The following N4BP2L2 variants were observed in gnomAD, a reference collection of about 807,000 sequenced individuals.
N4BP2L2 encodes NEDD4 binding protein 2 like 2.
A neutral mutation model predicts 56.2 loss-of-function variants in N4BP2L2; 50 were observed. The observed-to-expected ratio is 0.89, with a 90% confidence interval of 0.71 to 1.13. The LOEUF is 1.13. Among genes scored for constraint, N4BP2L2 ranks in the 50% most tolerant of loss-of-function variants. The pLI is 0.00. For missense variants in N4BP2L2, 689 were observed against 693.8 expected, an observed-to-expected ratio of 0.99 and a Z score of 0.08; for synonymous variants, 203 against 223.6, an observed-to-expected ratio of 0.91 and a Z score of 0.82.
intron 6 of N4BP2L2, among the ~76,000 whole-genome samples, chr13:32,482,276 C>T (rs6561356): frequency 0.012 from 1,845 of 152,132 alleles, 42 homozygotes; most frequent in African/African-American, 0.042. Flanking sequence ...TAAGATGACA[C>T]GATATATTTA....
rs997543870 is a variant in N4BP2L2, at chr13:32,496,205, A to T, written c.365+21652T>A. 1.6e-4 allele frequency among the ~76,000 whole-genome samples: 23 copies of T among 147,864 alleles called. 1 individual carries two copies. The highest frequency in any genetic ancestry group is 2.7e-4 in the African/African-American group (11 of 40,404). On this transcript the variant is annotated intron_variant, in intron 6 of 9. Coordinates refer to the N4BP2L2 transcript ENST00000357505. ...TATGCAACCAAGCTACCTATTTTTT[A>T]TTTTTTTTTTTTTACCCCTTCTGAC...
At chr13:32,477,897 A>T (rs1294219330) in intron 6 of N4BP2L2, 9 of 1,289,284 alleles carry the variant, frequency 7.0e-6, no homozygotes, top group African/African-American at 1.5e-5. Context: ...CTCTCAAGAG[A>T]TCAAAGGTTG....
chr13:32,505,121 T>A (rs1012857234), intron 6 of N4BP2L2: 2 of 152,266 alleles, frequency 1.3e-5, no homozygotes, highest in Admixed American at 6.5e-5. Flanking sequence ...GTGGTAGCAA[T>A]AGTAGCCCCT....
intron 7 of N4BP2L2, among the ~76,000 whole-genome samples, chr13:32,440,881 G>A (rs1383205653): frequency 7.6e-6 from 1 of 132,448 alleles, no homozygotes; most frequent in Non-Finnish European, 1.6e-5. Flanking sequence ...AGGGAGTCTC[G>A]CTCAGTCACC....
chr13:32,500,864 T>C (rs1033398025), intron 6 of N4BP2L2, among the ~76,000 whole-genome samples: 1 of 137,260 alleles, frequency 7.3e-6, no homozygotes, highest in African/African-American at 2.6e-5. Flanking sequence ...TTTAGTCTTT[T>C]CTTTTTTTTT....
chr13:32,507,592 G>A (rs1182035495), downstream of N4BP2L2: 1 of 152,116 alleles, frequency 6.6e-6, no homozygotes, highest in African/African-American at 2.4e-5. Context: ...TTAAGAAAAT[G>A]CTAGGCATAG....
chr13:32,497,084 A>G (rs756170634), intron 6 of N4BP2L2, among the ~76,000 whole-genome samples: 15 of 152,204 alleles, frequency 9.9e-5, no homozygotes, highest in Admixed American at 3.3e-4. Context: ...GTCAAGAAAA[A>G]GAGGGGTTTC....
chr13:32,443,837 C>T, exon 7 of N4BP2L2: 1 of 1,578,002 alleles, frequency 6.3e-7, no homozygotes, highest in South Asian at 1.2e-5. Flanking sequence ...TGGAAACTGT[C>T]TTTAGGATCT....
chr13:32,536,565 G>A lies in N4BP2L2; in HGVS notation c.463C>T (p.Gln155Ter). The A allele has an allele frequency of 6.2e-7, 1 of 1,613,354 alleles. No homozygotes were observed. The highest frequency in any genetic ancestry group is 8.5e-7 in the Non-Finnish European group (1 of 1,179,834). ...GAGTTAAATTTCTGTTTCTCTTTTT[G>A]TCCTCCTCTGTCATTTATACCATTT... is the stretch of plus-strand genomic sequence containing the variant. The change falls in exon 2 of 6, where the codon CAA becomes TAA. Residue 155 changes from glutamine (Q) to a stop codon, truncating the protein, a stop_gained. Coordinates refer to ENST00000267068, the Ensembl canonical transcript of N4BP2L2. LOFTEE classifies it high-confidence loss of function.
intron 9 of N4BP2L2, among the ~76,000 whole-genome samples, chr13:32,433,600 C>T (rs1469342174): frequency 2.0e-5 from 3 of 150,498 alleles, no homozygotes; most frequent in African/African-American, 4.9e-5. Flanking sequence ...CCAGCCTGGG[C>T]GACAGAGCAA....
chr13:32,493,401 C>CAAA (rs1479419371), intron 6 of N4BP2L2, among the ~76,000 whole-genome samples: 4 of 152,154 alleles, frequency 2.6e-5, no homozygotes, highest in African/African-American at 9.7e-5. Flanking sequence ...ACAACAACAA[C>CAAA]AAAACCTATT....
chr13:32,436,785 CAAAAA>C (rs1174354861), intron 8 of N4BP2L2, among the ~76,000 whole-genome samples: 53 of 44,992 alleles, frequency 1.2e-3, no homozygotes, highest in African/African-American at 3.6e-3. Context: ...GTGTGACTGT[CAAAAA>C]AAAAAAAAAA....
exon 7 of N4BP2L2, chr13:32,443,784 A>G: frequency 6.3e-7 from 1 of 1,580,110 alleles, no homozygotes; most frequent in Non-Finnish European, 8.6e-7. Context: ...TAGAGAGGTA[A>G]TTCTTTGGTG....
chr13:32,450,157 C>T (rs2077688439), intron 6 of N4BP2L2, among the ~76,000 whole-genome samples: 6 of 152,202 alleles, frequency 3.9e-5, no homozygotes, highest in South Asian at 2.1e-4. Flanking sequence ...GCTAGACCTC[C>T]ACAGATTTCA....
chr13:32,458,054 G>GT (rs1314874014), intron 6 of N4BP2L2, among the ~76,000 whole-genome samples: 58 of 151,834 alleles, frequency 3.8e-4, no homozygotes, highest in Admixed American at 6.6e-5. Flanking sequence ...GTTTTGTTTT[G>GT]TTTTTTGTTT....
At chr13:32,473,918 A>C (rs915720880) in intron 6 of N4BP2L2, among the ~76,000 whole-genome samples, 1 of 152,224 alleles carries the variant, frequency 6.6e-6, no homozygotes, top group Non-Finnish European at 1.5e-5. Flanking sequence ...GTAAGATAAG[A>C]TAGTCAGAGG....
chr13:32,473,932 A>G (rs1593675508), intron 6 of N4BP2L2, among the ~76,000 whole-genome samples: 3 of 152,370 alleles, frequency 2.0e-5, no homozygotes, highest in Admixed American at 6.5e-5. Context: ...TCAGAGGTTC[A>G]GAGGATTAAG....
At chr13:32,446,959 G>A (rs1438775098) in intron 6 of N4BP2L2, among the ~76,000 whole-genome samples, 1 of 151,332 alleles carries the variant, frequency 6.6e-6, no homozygotes, top group Non-Finnish European at 1.5e-5. Flanking sequence ...GCTAGTGGCA[G>A]GTTCAGACCT....
intron 5 of N4BP2L2, among the ~76,000 whole-genome samples, chr13:32,520,326 G>T (rs1005700338): frequency 5.9e-5 from 9 of 151,644 alleles, no homozygotes; most frequent in African/African-American, 1.9e-4. Flanking sequence ...AAAACGGGTG[G>T]GAAGGTGGGG....
Sources: gnomAD v4.1 joint callset for allele counts (sites outside exome capture counted in the v4.1 genomes callset) on GRCh38, gnomAD v4.1.1 for gene constraint, MANE v1.5 for transcripts, NCBI Gene and HGNC (gene_info 2026-07-23, HGNC 2026-07-21) for gene names.